The following TRRAP variants were observed in gnomAD, a reference collection of about 807,000 sequenced individuals.
The protein encoded by TRRAP is transformation/transcription domain-associated protein.
In TRRAP, 41 loss-of-function variants were observed where a neutral mutation model predicts 438.8. That is an observed-to-expected ratio of 0.09 (90% CI 0.07 to 0.12). TRRAP has a LOEUF of 0.12. Ranked by LOEUF, TRRAP falls within the 10% of genes least tolerant of loss-of-function variation. The pLI, the probability that TRRAP is intolerant of heterozygous loss-of-function variation, is 1.00. For synonymous variants in TRRAP, 1,994 were observed against 1,962.9 expected (o/e 1.02, Z -0.42); for missense variants, 3,122 against 5,055.1 (o/e 0.62, Z 11.60).
chr7:98,883,828 T>C (rs1795571951), intron 3 of TRRAP, among the ~76,000 whole-genome samples: 1 of 152,202 alleles, frequency 6.6e-6, no homozygotes, highest in Admixed American at 6.5e-5. Flanking sequence ...AGTAATTTTT[T>C]TACTGTACAG....
intron 12 of TRRAP, among the ~76,000 whole-genome samples, chr7:98,905,072 T>G (rs1362232399): frequency 6.6e-6 from 1 of 152,122 alleles, no homozygotes; most frequent in Non-Finnish European, 1.5e-5. Flanking sequence ...GGTCACGCAA[T>G]TTCATCTCCT....
At chr7:98,923,393 C>T (rs781812124) in intron 21 of TRRAP, among the ~76,000 whole-genome samples, 14 of 152,168 alleles carry the variant, frequency 9.2e-5, no homozygotes, top group Admixed American at 7.9e-4. Flanking sequence ...GCCATCCTGC[C>T]GGCACTGGCT....
At chr7:98,961,515 A>T (rs1791890393) in intron 46 of TRRAP, 41 bp downstream of exon 46, 1 of 1,604,620 alleles carries the variant, frequency 6.2e-7, no homozygotes, top group East Asian at 2.2e-5. Flanking sequence ...TTCAAAGTGG[A>T]CGGTGGGCGC....
At chr7:98,885,667 A>AAT (rs112055398) in intron 3 of TRRAP, among the ~76,000 whole-genome samples, 6,466 of 148,920 alleles carry the variant, frequency 0.043, 154 homozygotes, top group South Asian at 0.063. Context: ...AGCTGTTTAA[A>AAT]ATATATATAT....
chr7:98,956,113 T>G lies in TRRAP; in HGVS notation c.5938-33T>G, dbSNP rs199954396. On this transcript the variant is annotated intron_variant, in intron 41 of 72. Transcript: ENST00000456197. This position sits in a 1 kb window ranked among gnomAD's most constrained non-coding sequence, Gnocchi z 4.5. ...CATGCACTGTGGGACCAAGCTCCCA[T>G]GTTCCGGCGTGATGCTGGCCCTGCG... The G allele has an allele frequency of 1.4e-6, 2 of 1,474,828 alleles. No homozygotes were observed. Among genetic ancestry groups the G allele is most frequent in the Non-Finnish European group, 1.8e-6 (2 of 1,114,908 alleles). 91.4% of individuals were successfully genotyped at this position (1,474,828 alleles called of 1,614,324 possible).
rs782020129 is a variant in TRRAP, at chr7:98,958,090, A to G, written c.6341A>G (p.Gln2114Arg). The change falls in exon 44 of 73, where the codon CAG becomes CGG. Residue 2114 changes from glutamine to arginine, a missense_variant and splice_region_variant. Transcript: ENST00000456197. ...VVNFLIRVAC[Q>R]VNDNTNTAGS... ...AACTTCCTTATCCGCGTGGCCTGTC[A>G]GGTACGGGATCCAAGTGCCCTGCGT... The G allele has an allele frequency of 6.2e-7, 1 of 1,613,786 alleles. No individual in the cohort carries two copies.
chr7:98,940,168 G>A lies in TRRAP; in HGVS notation c.4404+2348G>A, dbSNP rs532996144. Reference sequence around the variant, plus strand: ...TGAAGTGCTGGGATTACAGATGTGAGCCATTGTGCCTGGCCTGTTTGTTTG... The same window carrying A: ...TGAAGTGCTGGGATTACAGATGTGAACCATTGTGCCTGGCCTGTTTGTTTG... On this transcript the variant is annotated intron_variant, in intron 30 of 72. Coordinates refer to ENST00000456197, the MANE Select transcript of TRRAP (RefSeq NM_001375524.1). Among the ~76,000 whole-genome samples the A allele has an allele frequency of 5.3e-5, 8 of 151,830 alleles. No homozygotes were observed. In the East Asian group the frequency reaches 1.4e-3, roughly 26 times the overall value.
intron 57 of TRRAP, 58 bp from the exon 58 acceptor site, chr7:98,978,711 G>A (rs1361025558): frequency 6.2e-6 from 10 of 1,609,482 alleles, no homozygotes; most frequent in Middle Eastern, 3.3e-4. Context: ...CCCTGCCTTT[G>A]TGAATTCATG....
At chr7:98,928,461 G>A (rs1266606643) in intron 23 of TRRAP, among the ~76,000 whole-genome samples, 2 of 152,074 alleles carry the variant, frequency 1.3e-5, no homozygotes, top group Admixed American at 1.3e-4. Flanking sequence ...TTGGCCTGAC[G>A]GGTCAATACT....
At chr7:98,972,204 G>C (rs1271039182) in intron 53 of TRRAP, among the ~76,000 whole-genome samples, 1 of 152,126 alleles carries the variant, frequency 6.6e-6, no homozygotes, top group Non-Finnish European at 1.5e-5. Flanking sequence ...GCCACACCCA[G>C]CTAATTTGTT....
At chr7:98,879,888 G>T (rs1226472955) in intron 1 of TRRAP, among the ~76,000 whole-genome samples, 1 of 152,156 alleles carries the variant, frequency 6.6e-6, no homozygotes, top group Non-Finnish European at 1.5e-5. Context: ...AGGAGGTCCT[G>T]GTGTGTCTGT....
Position 98,967,102 on chromosome 7 carries a change from G to A in TRRAP, c.7238G>A (p.Arg2413His), listed in dbSNP as rs765534868. The change falls in exon 50 of 73, where the codon CGC (arginine) becomes CAC (histidine). Residue 2413 changes from arginine to histidine, a missense_variant. Physicochemically the swap from Arg to His is conservative, Grantham distance 29. Coordinates refer to ENST00000456197, the MANE Select transcript of TRRAP (RefSeq NM_001375524.1). ...LVKMMTYIEK[R>H]FPEDLELNAQ... is the part of the protein sequence containing the mutation. ...AAGATGATGACTTACATAGAAAAAC[G>A]CTTTCCGGAAGACCTTGAATTAAAT... 12 of 1,613,866 alleles carry A rather than the reference G, an allele frequency of 7.4e-6. No homozygotes were observed. Among genetic ancestry groups the A allele is most frequent in the African/African-American group, 4.0e-5 (3 of 74,918 alleles).
chr7:98,964,140 C>T (rs1016387633), intron 47 of TRRAP, among the ~76,000 whole-genome samples: 9 of 151,478 alleles, frequency 5.9e-5, no homozygotes, highest in African/African-American at 2.2e-4. Context: ...TGTCACAATG[C>T]CAAATATGAA....
intron 67 of TRRAP, among the ~76,000 whole-genome samples, chr7:99,000,720 C>T (rs1039907927): frequency 3.3e-5 from 5 of 152,224 alleles, no homozygotes; most frequent in Admixed American, 1.3e-4. Context: ...GAGCAATGGG[C>T]CAGCCTGGGG....
chr7:98,993,286 A>G (rs1652573560), intron 65 of TRRAP, among the ~76,000 whole-genome samples: 2 of 152,230 alleles, frequency 1.3e-5, no homozygotes, highest in South Asian at 4.1e-4. Flanking sequence ...CCTAAAACAC[A>G]TACACGGGTT....
chr7:98,897,968 G>A (rs1328857633), intron 8 of TRRAP, 102 bp downstream of exon 8: 1 of 1,557,438 alleles, frequency 6.4e-7, no homozygotes, highest in Non-Finnish European at 8.7e-7. Flanking sequence ...AGGCATTTAA[G>A]ACAAACGTGT....
intron 3 of TRRAP, among the ~76,000 whole-genome samples, chr7:98,889,215 C>A (rs782275143): frequency 5.9e-5 from 9 of 151,896 alleles, no homozygotes; most frequent in Non-Finnish European, 1.2e-4. Flanking sequence ...CTTTCCTTAT[C>A]TGTGAAATGG....
chr7:99,007,410 G>A (rs565952551), intron 69 of TRRAP, among the ~76,000 whole-genome samples: 6 of 152,280 alleles, frequency 3.9e-5, no homozygotes, highest in African/African-American at 9.6e-5. Context: ...GTGCAGTGGC[G>A]CAATCTCAGT....
At chr7:98,898,622 G>C (rs1386912940) in intron 8 of TRRAP, among the ~76,000 whole-genome samples, 1 of 152,024 alleles carries the variant, frequency 6.6e-6, no homozygotes, top group Non-Finnish European at 1.5e-5. Context: ...TTCCTTGTCT[G>C]TTGATATCCA....
Sources: gnomAD v4.1 joint callset for allele counts (sites outside exome capture counted in the v4.1 genomes callset) on GRCh38, gnomAD v4.1.1 for gene constraint, Gnocchi (gnomAD v3.1) non-coding constraint, MANE v1.5 for transcripts, NCBI Gene and HGNC (gene_info 2026-07-23, HGNC 2026-07-21) for gene names.